Variants in TXNDC16 observed in about 807,000 individuals in gnomAD.
The protein encoded by TXNDC16 is thioredoxin domain containing 16, also known as thioredoxin domain-containing protein 16.
In TXNDC16, 74 loss-of-function variants were observed where a neutral mutation model predicts 85.6. The ratio of observed to expected loss-of-function variants is 0.86; its 90% CI spans 0.72 to 1.05. TXNDC16 has a LOEUF of 1.05. Among genes scored for constraint, TXNDC16 ranks in the 50% least tolerant of loss-of-function variants. The probability of loss-of-function intolerance (pLI) is 0.00; values close to 1 mark genes in which losing one functional copy is unlikely to be tolerated. For missense variants in TXNDC16, 959 were observed against 947.0 expected, an observed-to-expected ratio of 1.01 and a Z score of -0.17; for synonymous variants, 335 against 326.5, an observed-to-expected ratio of 1.03 and a Z score of -0.28.
intron 16 of TXNDC16, among the ~76,000 whole-genome samples, chr14:52,460,881 T>C (rs2035637722): frequency 6.6e-6 from 1 of 152,102 alleles, no homozygotes; most frequent in Admixed American, 6.5e-5. Flanking sequence ...AAAACTAAAT[T>C]TGTATTCTTT....
In TXNDC16 at chr14:52,431,718, G is replaced by A. The variant is rs1343652283; in HGVS notation, c.*586C>T. On this transcript the variant is annotated 3_prime_UTR_variant, in exon 21 of 21. Transcript: ENST00000281741. ...CTGCCCTAGTCATGACATCAAAAAT[G>A]TCTCCCGACAATTGCTAAATATCCC... 6.6e-6 allele frequency: 1 copy of A among 152,230 alleles called. No homozygotes were observed. The highest frequency in any genetic ancestry group is 1.5e-5 in the Non-Finnish European group (1 of 68,078). The allele number at this position is 152,230 out of a possible 1,614,324, so 9.4% of individuals were successfully genotyped here.
chr14:52,457,228 A>G (rs569207464), intron 16 of TXNDC16, 54 bp from the exon 17 acceptor site: 1 of 983,738 alleles, frequency 1.0e-6, no homozygotes, highest in Non-Finnish European at 1.5e-6. Flanking sequence ...TATGTATGCT[A>G]TTCAACTGAT....
rs150111886 is a variant in TXNDC16 at position 52,477,781 on chromosome 14, T to C, written c.1312+4449A>G. On this transcript the variant is annotated intron_variant, in intron 14 of 20. Transcript: ENST00000281741. ...CTAGACAGGTCATCAAGACAGAAGG[T>C]CAACAAAGAAACAATGGCTTTAAAC... Among the ~76,000 whole-genome samples, 738 of 152,110 alleles carry C rather than the reference T, an allele frequency of 4.9e-3. 14 individuals are homozygous for C. The highest frequency in any genetic ancestry group is 0.039 in the Admixed American group (599 of 15,296).
chr14:52,461,741 G>A (rs1469695960), intron 16 of TXNDC16, among the ~76,000 whole-genome samples: 1 of 152,246 alleles, frequency 6.6e-6, no homozygotes, highest in African/African-American at 2.4e-5. Context: ...GGGCCCTGCA[G>A]CAGGTGGCCT....
intron 16 of TXNDC16, among the ~76,000 whole-genome samples, chr14:52,465,238 C>G (rs1566541866): frequency 6.6e-6 from 1 of 151,982 alleles, no homozygotes. Flanking sequence ...AAATCCAACT[C>G]AAGAAAAGAA....
At chr14:52,519,537 C>A (rs1363611488) in intron 6 of TXNDC16, among the ~76,000 whole-genome samples, 2 of 152,212 alleles carry the variant, frequency 1.3e-5, no homozygotes, top group African/African-American at 2.4e-5. Context: ...ACGGTCTCAA[C>A]AGATTAAAAC....
Position 52,439,102 on chromosome 14 carries a change from C to A in TXNDC16, c.2194+102G>T, listed in dbSNP as rs2035103176. 4.9e-6 allele frequency: 6 copies of A among 1,226,196 alleles called. No homozygotes were observed. The Admixed American group carries it at 1.2e-4, about 24-fold the overall frequency. The allele number at this position is 1,226,196 out of a possible 1,614,324, so 76.0% of individuals were successfully genotyped here. On this transcript the variant is annotated intron_variant, in intron 20 of 20. Transcript: ENST00000281741. ...CTGTCCACATGGATGATGCTACCAGCATTTTAATAACTCATCCTACCATTC... is the reference window on the plus strand; with the variant it reads ...CTGTCCACATGGATGATGCTACCAGAATTTTAATAACTCATCCTACCATTC...
At chr14:52,531,233 G>C (rs181064902) in intron 6 of TXNDC16, among the ~76,000 whole-genome samples, 16 of 152,216 alleles carry the variant, frequency 1.1e-4, no homozygotes, top group Non-Finnish European at 1.5e-5. Context: ...ATGCGAAATG[G>C]TACAGCCACT....
At chr14:52,543,244 C>T (rs1346530498) in intron 3 of TXNDC16, among the ~76,000 whole-genome samples, 154 bp downstream of exon 3, 1 of 152,080 alleles carries the variant, frequency 6.6e-6, no homozygotes, top group Non-Finnish European at 1.5e-5. Flanking sequence ...ACAGGACAAG[C>T]GGCACGGGCC....
chr14:52,538,163 G>C (rs994514155), intron 4 of TXNDC16, among the ~76,000 whole-genome samples: 3 of 152,220 alleles, frequency 2.0e-5, no homozygotes, highest in Non-Finnish European at 2.9e-5. Context: ...GTTTGGAGGA[G>C]TCACTGGGCT....
intron 12 of TXNDC16, among the ~76,000 whole-genome samples, chr14:52,486,118 A>T (rs1331004478): frequency 6.6e-6 from 1 of 151,880 alleles, no homozygotes; most frequent in East Asian, 1.9e-4. Flanking sequence ...CTTATTATTC[A>T]TATATTTTCA....
chr14:52,511,183 C>A, intron 9 of TXNDC16, 57 bp downstream of exon 9: 1 of 1,357,588 alleles, frequency 7.4e-7, no homozygotes, highest in Non-Finnish European at 9.7e-7. Flanking sequence ...AGACACATAC[C>A]TTTTGCAATT....
intron 7 of TXNDC16, 104 bp downstream of exon 7, chr14:52,519,068 T>C: frequency 8.5e-7 from 1 of 1,177,518 alleles, no homozygotes; most frequent in Non-Finnish European, 1.2e-6. Context: ...TTTAGATTTA[T>C]TTTAAATATT....
chr14:52,527,367 G>A (rs894603730), intron 6 of TXNDC16, among the ~76,000 whole-genome samples: 1 of 152,212 alleles, frequency 6.6e-6, no homozygotes, highest in African/African-American at 2.4e-5. Flanking sequence ...GGTGTGTGGA[G>A]AAGACTCCTC....
chr14:52,537,698 A>G (rs754810900), intron 4 of TXNDC16, 26 bp from the exon 5 acceptor site: 1 of 1,363,544 alleles, frequency 7.3e-7, no homozygotes, highest in East Asian at 2.3e-5. Flanking sequence ...CTTAAGTTTT[A>G]GCATATATAT....
chr14:52,502,879 C>A (rs1364869992), intron 9 of TXNDC16, among the ~76,000 whole-genome samples: 1 of 152,202 alleles, frequency 6.6e-6, no homozygotes, highest in Non-Finnish European at 1.5e-5. Context: ...CCCACCCTAA[C>A]ACTGCGCTTT....
At chr14:52,438,283 G>A (rs2035079304) in intron 20 of TXNDC16, among the ~76,000 whole-genome samples, 1 of 152,146 alleles carries the variant, frequency 6.6e-6, no homozygotes. Context: ...CTATCAAACA[G>A]CATCATATAC....
At position 52,514,311 on chromosome 14, in the gene TXNDC16, T is replaced by C. The variant is rs75311260; in HGVS notation, c.605+569A>G. 5.3e-5 allele frequency among the ~76,000 whole-genome samples: 8 copies of C among 152,238 alleles called. No individual in the cohort carries two copies. The South Asian group carries it at 6.2e-4, about 12-fold the overall frequency. ...GCATTAAAAGGTCATACAATCACCA[T>C]TGTGCCCTGTTTTGGATTAATTTTC... On this transcript the variant is annotated intron_variant, in intron 8 of 20. Coordinates refer to ENST00000281741, the MANE Select transcript of TXNDC16 (RefSeq NM_020784.3).
rs2034910543 is a variant in TXNDC16, at chr14:52,432,064, A to G, written c.*240T>C. The G allele has an allele frequency of 3.1e-6, 1 of 327,776 alleles. No homozygotes were observed. Among genetic ancestry groups the G allele is most frequent in the African/African-American group, 2.1e-5 (1 of 46,832 alleles). The allele number at this position is 327,776 out of a possible 1,614,324, so 20.3% of individuals were successfully genotyped here. On this transcript the variant is annotated 3_prime_UTR_variant, in exon 21 of 21. Transcript: ENST00000281741. ...GTAAAATATCTCATTAATAATTTCT[A>G]TATTTCGCTATTTTGGGTATACTAC...
Sources: gnomAD v4.1 joint callset for allele counts (sites outside exome capture counted in the v4.1 genomes callset) on GRCh38, gnomAD v4.1.1 for gene constraint, MANE v1.5 for transcripts, NCBI Gene and HGNC (gene_info 2026-07-23, HGNC 2026-07-21) for gene names.